RIMS3: variants seen among roughly 807,000 people sequenced by gnomAD.
RIMS3 encodes regulating synaptic membrane exocytosis 3.
A neutral mutation model predicts 29.2 loss-of-function variants in RIMS3; 15 were observed. The ratio of observed to expected loss-of-function variants is 0.51; its 90% CI spans 0.34 to 0.79. The LOEUF is 0.79. Among genes scored for constraint, RIMS3 ranks in the 30% least tolerant of loss-of-function variants. The pLI is 0.01. For synonymous variants in RIMS3, 161 were observed against 170.1 expected (o/e 0.95, Z 0.41); for missense variants, 342 against 421.4 (o/e 0.81, Z 1.65).
In RIMS3 at chr1:40,654,483, G is replaced by C. The variant is rs534605692; in HGVS notation, c.-206-6641C>G. Among the ~76,000 whole-genome samples, 4 of 152,042 alleles carry C rather than the reference G, an allele frequency of 2.6e-5. No homozygotes were observed. Among genetic ancestry groups the C allele is most frequent in the Non-Finnish European group, 5.9e-5 (4 of 68,010 alleles). On this transcript the variant is annotated intron_variant, in intron 1 of 7. Transcript: ENST00000372684. This position sits in a 1 kb window ranked among gnomAD's most constrained non-coding sequence, Gnocchi z 5.3. ...ATGCACGCTGTACAAAGAAGATGAC[G>C]TACACAAAACAACAGGCACACACCA...
chr1:40,649,280 G>T (rs2148354607), intron 1 of RIMS3, among the ~76,000 whole-genome samples: 1 of 152,226 alleles, frequency 6.6e-6, no homozygotes, highest in East Asian at 1.9e-4. Context: ...TTATGTCAAT[G>T]ATACACACTT....
At chr1:40,668,714 A>G (rs931014021), upstream of RIMS3, among the ~76,000 whole-genome samples, 4 of 152,214 alleles carry the variant, frequency 2.6e-5, no homozygotes, top group Admixed American at 2.0e-4. Flanking sequence ...AAGCCATAAG[A>G]GAAAACATGG....
intron 3 of RIMS3, among the ~76,000 whole-genome samples, chr1:40,637,062 C>T (rs1299678102): frequency 1.3e-5 from 2 of 152,198 alleles, no homozygotes; most frequent in Non-Finnish European, 2.9e-5. Context: ...ACCAAAGGAA[C>T]CATTTGCTGT....
intron 1 of RIMS3, among the ~76,000 whole-genome samples, chr1:40,650,423 C>T (rs1467206750): frequency 3.3e-5 from 5 of 152,212 alleles, no homozygotes; most frequent in African/African-American, 1.2e-4. Context: ...TTCCCATTTC[C>T]TGCAGGACAA....
chr1:40,690,497 C>T, the RIMS3 span: 1 of 152,140 alleles, frequency 6.6e-6, no homozygotes, highest in African/African-American at 2.4e-5. Flanking sequence ...TTATTTCATT[C>T]ACTCTCCCCA....
upstream of RIMS3, among the ~76,000 whole-genome samples, chr1:40,666,256 A>T (rs963171621): frequency 6.6e-6 from 1 of 152,182 alleles, no homozygotes; most frequent in Non-Finnish European, 1.5e-5. Flanking sequence ...TTCTAGAGCA[A>T]TGGTTTTAAA....
intron 2 of RIMS3, among the ~76,000 whole-genome samples, chr1:40,643,954 A>C (rs1244933103): frequency 1.3e-5 from 2 of 152,042 alleles, no homozygotes; most frequent in Non-Finnish European, 2.9e-5. Flanking sequence ...CCCTTGTTTT[A>C]GAGGCAGATC....
chr1:40,656,748 A>G (rs1225493647), intron 1 of RIMS3, among the ~76,000 whole-genome samples: 2 of 147,632 alleles, frequency 1.4e-5, no homozygotes, highest in African/African-American at 5.1e-5. Context: ...GCGCCATTGC[A>G]CTCCAGCCTG....
the RIMS3 span, among the ~76,000 whole-genome samples, chr1:40,685,278 A>G: frequency 2.1e-5 from 2 of 96,110 alleles, no homozygotes; most frequent in African/African-American, 4.7e-5. Flanking sequence ...TGAAAAACAT[A>G]ATTTATTAAT....
At chr1:40,629,547 G>A (rs1187522973) in intron 5 of RIMS3, among the ~76,000 whole-genome samples, 175 bp from the exon 6 acceptor site, 1 of 152,196 alleles carries the variant, frequency 6.6e-6, no homozygotes, top group East Asian at 1.9e-4. Flanking sequence ...AAGCAGCTGA[G>A]GGACCCTTTG....
At position 40,649,414 on chromosome 1, in the gene RIMS3, C is replaced by CCA. The variant is rs574176639; in HGVS notation, c.-206-1574_-206-1573dup. ...CACATGTGTACACACCTGCAAACAC[C>CCA]CACACACACCCTCCCCATTGGGCCC... On this transcript the variant is annotated intron_variant, in intron 1 of 7. Coordinates refer to ENST00000372684, the MANE Select transcript of RIMS3 (RefSeq NM_014747.3). 1.0e-3 allele frequency among the ~76,000 whole-genome samples: 159 copies of CCA among 152,258 alleles called. 2 individuals are homozygous for CCA. In the South Asian group the frequency reaches 0.03, roughly 29 times the overall value.
upstream of RIMS3, among the ~76,000 whole-genome samples, chr1:40,668,249 C>CAAAA (rs35624303): frequency 9.4e-6 from 1 of 106,408 alleles, no homozygotes; most frequent in African/African-American, 3.9e-5. Context: ...GACTCTGTCT[C>CAAAA]AAAAAAAAAA....
upstream of RIMS3, chr1:40,669,456 G>A (rs1181924327): frequency 6.6e-6 from 1 of 152,212 alleles, no homozygotes; most frequent in Admixed American, 6.5e-5. Flanking sequence ...AGGTGCTGGG[G>A]ATTCTGAATT....
At chr1:40,668,460 A>G (rs1268254410), upstream of RIMS3, among the ~76,000 whole-genome samples, 2 of 54,132 alleles carry the variant, frequency 3.7e-5, no homozygotes, top group African/African-American at 7.6e-5. Context: ...CTTCAGACAA[A>G]TGGGGGGCGG....
intron 3 of RIMS3, 117 bp downstream of exon 3, chr1:40,641,592 G>T: frequency 2.1e-6 from 2 of 971,682 alleles, no homozygotes; most frequent in Non-Finnish European, 3.1e-6. Context: ...TATGGGAAGG[G>T]CCACAGTATA....
chr1:40,677,831 G>A, the RIMS3 span, among the ~76,000 whole-genome samples: 2 of 152,162 alleles, frequency 1.3e-5, no homozygotes, highest in African/African-American at 4.8e-5. Flanking sequence ...AAGAAAAGTC[G>A]TGTTCTTGAC....
chr1:40,627,382 C>T (rs980784061), intron 7 of RIMS3, among the ~76,000 whole-genome samples: 2 of 152,042 alleles, frequency 1.3e-5, no homozygotes, highest in African/African-American at 4.8e-5. Context: ...GTGCCCGCCA[C>T]CACACCCGGC....
chr1:40,670,903 T>A, the RIMS3 span, among the ~76,000 whole-genome samples: 2 of 151,956 alleles, frequency 1.3e-5, no homozygotes, highest in East Asian at 3.9e-4. Flanking sequence ...TATATTTTTT[T>A]AAGTGGAGAG....
At chr1:40,640,630 G>T (rs1646549732) in intron 3 of RIMS3, among the ~76,000 whole-genome samples, 1 of 152,130 alleles carries the variant, frequency 6.6e-6, no homozygotes, top group Non-Finnish European at 1.5e-5. Flanking sequence ...AAAACCAGCT[G>T]GTGTCTGGGC....
Sources: allele counts gnomAD v4.1 joint callset (sites outside exome capture counted in the v4.1 genomes callset), GRCh38; gene constraint gnomAD v4.1.1; non-coding constraint Gnocchi (gnomAD v3.1); transcripts MANE v1.5; gene names NCBI Gene and HGNC (gene_info 2026-07-23, HGNC 2026-07-21).